The following DSC2 variants were observed in gnomAD, a reference collection of about 807,000 sequenced individuals.
DSC2 encodes the protein desmocollin-2.
Under a neutral mutation model 87.6 loss-of-function variants are expected in DSC2, and 51 were observed. The ratio of observed to expected loss-of-function variants is 0.58; its 90% confidence interval spans 0.46 to 0.74. The LOEUF (loss-of-function observed/expected upper bound fraction) is 0.74, where lower values mean the gene tolerates loss of function less well. Among genes scored for constraint, DSC2 ranks in the 30% least tolerant of loss-of-function variants. The probability of loss-of-function intolerance (pLI) is 0.00; values close to 1 mark genes in which losing one functional copy is unlikely to be tolerated. For synonymous variants in DSC2, 383 were observed against 393.2 expected (o/e 0.97, Z 0.31); for missense variants, 1,066 against 1,089.5 (o/e 0.98, Z 0.30).
Position 31,070,838 on chromosome 18 carries a change from G to A in DSC2, c.2138C>T (p.Thr713Met), listed in dbSNP as rs180863872. ...GIALLFCILF[T>M]LVCGASGTSK... ...CGTCCCAGAAGCCCCACAGACCAGC[G>A]TAAACAGGATGCCTGGAGGAAGAAA... Residue 713 changes from threonine (T) to methionine (M), a missense_variant, in exon 14 of 16, where the codon ACG becomes ATG. Transcript: ENST00000280904. The A allele has an allele frequency of 5.5e-5, 89 of 1,613,708 alleles. No homozygotes were observed. In the Middle Eastern group the frequency reaches 9.9e-4, roughly 18 times the overall value.
At position 31,082,295 on chromosome 18, in the gene DSC2, G is replaced by T. The variant is rs749170272; in HGVS notation, c.1206C>A (p.Gly402=). 1 of 1,613,648 alleles carries T rather than the reference G, an allele frequency of 6.2e-7. No individual in the cohort carries two copies. Among genetic ancestry groups the T allele is most frequent in the Non-Finnish European group, 8.5e-7 (1 of 1,179,880 alleles). ...NYTILKGNEN[G]NFKIVTDAKT... is the part of the protein sequence containing the mutation. ...TGGCATCTGTTACAATTTTAAAATT[G>T]CCATTTTCATTGCCCTTTAAAATGG... Residue 402 remains glycine, a synonymous_variant, in exon 9 of 16, where the codon GGC becomes GGA. Coordinates refer to ENST00000280904, the MANE Select transcript of DSC2 (RefSeq NM_024422.6).
intron 1 of DSC2, among the ~76,000 whole-genome samples, chr18:31,101,399 C>A (rs1987944647): frequency 6.6e-6 from 1 of 151,698 alleles, no homozygotes; most frequent in Non-Finnish European, 1.5e-5. Flanking sequence ...CTTTCCGTGG[C>A]CTGGGCAGGC....
At chr18:31,071,277 T>C (rs1359981763) in intron 13 of DSC2, among the ~76,000 whole-genome samples, 1 of 152,108 alleles carries the variant, frequency 6.6e-6, no homozygotes, top group Non-Finnish European at 1.5e-5. Context: ...CCAGGTGTGT[T>C]GACTCACGCC....
intron 9 of DSC2, 124 bp downstream of exon 9, chr18:31,082,114 C>A: frequency 4.9e-6 from 4 of 815,488 alleles, no homozygotes; most frequent in South Asian, 3.6e-5. Context: ...AAGAACAGAG[C>A]ATTTGCATTT....
Position 31,090,310 on chromosome 18 carries a change from C to A in DSC2, c.475-716G>T, listed in dbSNP as rs73413701. Among the ~76,000 whole-genome samples the A allele has an allele frequency of 3.5e-3, 531 of 152,282 alleles. 3 individuals are homozygous for A. The highest frequency in any genetic ancestry group is 0.012 in the African/African-American group (504 of 41,564). On this transcript the variant is annotated intron_variant, in intron 4 of 15. Coordinates refer to ENST00000280904, the MANE Select transcript of DSC2 (RefSeq NM_024422.6). ...TGGTGGGGTATAAAAAGGATTCTCC[C>A]TTGCTATGTCAAGAACTGAGGGAAA...
chr18:31,102,104 C>G lies in DSC2; in HGVS notation c.-133G>C. 1.4e-6 allele frequency: 1 copy of G among 710,492 alleles called. No homozygotes were observed. The highest frequency in any genetic ancestry group is 2.1e-6 in the Non-Finnish European group (1 of 476,880). 44.0% of individuals were successfully genotyped at this position (710,492 alleles called of 1,614,324 possible). A position where few individuals can be genotyped will look rare whatever the true frequency, so the allele number is the denominator to read the frequency against. ...AGCGCGAGGCGGAGGAGGTGGGGCG[C>G]GCGGAGAGGTGCTTTTCTTAGCTTC... On this transcript the variant is annotated 5_prime_UTR_variant, in exon 1 of 16. Transcript: ENST00000280904.
In DSC2 at chr18:31,065,425, A is replaced by C. The variant is rs1986590695; in HGVS notation, c.*2590T>G. ...AATTAACTCTGACAAAGCCCTGTCA[A>C]GTAGACTCCTCTACCCTCCTCAGTA... On this transcript the variant is annotated 3_prime_UTR_variant, in exon 16 of 16. Transcript: ENST00000280904. 6.6e-6 allele frequency: 1 copy of C among 152,380 alleles called. No homozygotes were observed. The highest frequency in any genetic ancestry group is 2.4e-5 in the African/African-American group (1 of 41,590). The allele number at this position is 152,380 out of a possible 1,614,324, so 9.4% of individuals were successfully genotyped here. A position where few individuals can be genotyped will look rare whatever the true frequency, so the allele number is the denominator to read the frequency against.
intron 4 of DSC2, 137 bp from the exon 5 acceptor site, chr18:31,089,731 A>G: frequency 4.7e-6 from 4 of 859,132 alleles, no homozygotes; most frequent in Non-Finnish European, 7.0e-6. Context: ...AAATTAAAAC[A>G]GCAATAGAAT....
Position 31,080,182 on chromosome 18 carries a change from A to T in DSC2, c.1434T>A (p.Val478=). Residue 478 remains valine, a synonymous_variant, in exon 10 of 16, where the codon GTT becomes GTA. Coordinates refer to ENST00000280904, the MANE Select transcript of DSC2 (RefSeq NM_024422.6). ...CCACTTCTGCATTTTCTTTCATGCG[A>T]ACAGTCTGTATTGGAGGGTTACACT... ...GPECNPPIQT[V]RMKENAEVGT... 2.5e-6 allele frequency: 4 copies of T among 1,614,062 alleles called. No homozygotes were observed. The highest frequency in any genetic ancestry group is 3.4e-6 in the Non-Finnish European group (4 of 1,180,016).
chr18:31,099,880 C>A lies in DSC2; in HGVS notation c.69+2023G>T, dbSNP rs190091627. On this transcript the variant is annotated intron_variant, in intron 1 of 15. Coordinates refer to ENST00000280904, the MANE Select transcript of DSC2 (RefSeq NM_024422.6). The stretch of plus-strand genomic sequence containing the variant: ...CCTCCTACCAAAGATATTTCTCCCC[C>A]CTTTTTGAGACAGGATTTCGCTCTG... Among the ~76,000 whole-genome samples the A allele has an allele frequency of 3.9e-5, 6 of 152,136 alleles. No homozygotes were observed. In the East Asian group the frequency reaches 5.8e-4, roughly 15 times the overall value.
chr18:31,075,419 T>C, intron 11 of DSC2, among the ~76,000 whole-genome samples: 1 of 152,154 alleles, frequency 6.6e-6, no homozygotes, highest in Non-Finnish European at 1.5e-5. Context: ...AGTTACATAT[T>C]TGAAAGATTG....
At chr18:31,097,108 C>T (rs1302469806) in intron 1 of DSC2, among the ~76,000 whole-genome samples, 5 of 151,642 alleles carry the variant, frequency 3.3e-5, no homozygotes, top group Non-Finnish European at 5.9e-5. Context: ...CGGTGAAACC[C>T]TGTCTCTACT....
At chr18:31,081,833 A>G (rs1987228495) in intron 9 of DSC2, among the ~76,000 whole-genome samples, 1 of 152,118 alleles carries the variant, frequency 6.6e-6, no homozygotes, top group Non-Finnish European at 1.5e-5. Flanking sequence ...ATGATGAACA[A>G]ACCTATGAAT....
In DSC2 at chr18:31,102,357, A is replaced by C; in HGVS notation, c.-386T>G. 1 of 174,546 alleles carries C rather than the reference A, an allele frequency of 5.7e-6. No individual in the cohort carries two copies. 10.8% of individuals were successfully genotyped at this position (174,546 alleles called of 1,614,324 possible). A position where few individuals can be genotyped will look rare whatever the true frequency, so the allele number is the denominator to read the frequency against. On this transcript the variant is annotated 5_prime_UTR_variant, in exon 1 of 16. Transcript: ENST00000280904. ...ACCTATAAGGCCCATCTCCCCCACC[A>C]CGCCCCGGTGTCCGCTCCGCCAGGC...
rs780448272 is a variant in DSC2, at chr18:31,087,797, G to C, written c.647C>G (p.Thr216Arg). 2 of 1,613,814 alleles carry C rather than the reference G, an allele frequency of 1.2e-6. No individual in the cohort carries two copies. Among genetic ancestry groups the C allele is most frequent in the South Asian group, 2.2e-5 (2 of 91,078 alleles). The change falls in exon 6 of 16, where the codon ACA becomes AGA. Residue 216 changes from threonine (T) to arginine (R), a missense_variant. Thr to Arg is a moderately conservative substitution (Grantham distance 71, BLOSUM62 -1). Transcript: ENST00000280904. The part of the protein sequence containing the change: ...YESFEIIAFA[T>R]TPDGYTPELP... ...TTCTGGAGTATACCCATCTGGAGTT[G>C]TTGCAAAGGCAATTATCTGTGAAGA...
intron 1 of DSC2, among the ~76,000 whole-genome samples, chr18:31,097,232 G>A (rs1216842549): frequency 6.6e-6 from 1 of 150,744 alleles, no homozygotes; most frequent in African/African-American, 2.4e-5. Context: ...AGCTTGCAGT[G>A]AGCAGAGATC....
intron 1 of DSC2, among the ~76,000 whole-genome samples, chr18:31,100,918 T>C (rs1351113376): frequency 2.0e-5 from 3 of 152,114 alleles, no homozygotes; most frequent in Non-Finnish European, 4.4e-5. Flanking sequence ...CATTGGCTTT[T>C]TGCGTCTTCA....
chr18:31,095,922 G>A (rs776342259), intron 1 of DSC2, among the ~76,000 whole-genome samples: 50 of 151,904 alleles, frequency 3.3e-4, no homozygotes, highest in Non-Finnish European at 3.4e-4. Context: ...CATATGTGAA[G>A]GCCCAGAGAT....
chr18:31,069,714 C>CAAAAAAAAAAAAA (rs199681007), intron 14 of DSC2, among the ~76,000 whole-genome samples: 1 of 85,314 alleles, frequency 1.2e-5, no homozygotes, highest in African/African-American at 3.9e-5. Context: ...GATCTTGTCT[C>CAAAAAAAAAAAAA]AAAAAAAAAA....
Sources: allele counts gnomAD v4.1 joint callset (sites outside exome capture counted in the v4.1 genomes callset), GRCh38; gene constraint gnomAD v4.1.1; transcripts MANE v1.5; gene names NCBI Gene and HGNC (gene_info 2026-07-23, HGNC 2026-07-21).